The following DAAM1 variants were observed in gnomAD, a reference collection of about 807,000 sequenced individuals.
DAAM1 encodes dishevelled associated activator of morphogenesis 1.
In DAAM1, 52 loss-of-function variants were observed where a neutral mutation model predicts 130.0. The observed-to-expected ratio is 0.40, with a 90% CI of 0.32 to 0.50. The LOEUF (loss-of-function observed/expected upper bound fraction) is 0.50, where lower values mean the gene tolerates loss of function less well. Ranked by LOEUF, DAAM1 falls within the 20% of genes least tolerant of loss-of-function variation. The pLI, the probability that DAAM1 is intolerant of heterozygous loss-of-function variation, is 0.61. For synonymous variants in DAAM1, 452 were observed against 444.5 expected (o/e 1.02, Z -0.21); for missense variants, 1,134 against 1,303.8 (o/e 0.87, Z 2.01).
In DAAM1 at chr14:59,245,172, A is replaced by G. The variant is rs542725774; in HGVS notation, c.-37-18269A>G. On this transcript the variant is annotated intron_variant, in intron 1 of 24. Transcript: ENST00000360909. ...AATGCATCCTTCAAATGCAAAGACT[A>G]ATTTTCCTCCCTTTGTTATTTTGGG... Among the ~76,000 whole-genome samples the G allele has an allele frequency of 9.3e-4, 141 of 152,270 alleles. 1 individual carries two copies. Among genetic ancestry groups the G allele is most frequent in the African/African-American group, 3.2e-3 (134 of 41,554 alleles).
intron 1 of DAAM1, among the ~76,000 whole-genome samples, chr14:59,220,327 C>A (rs1189322408): frequency 6.6e-6 from 1 of 152,154 alleles, no homozygotes; most frequent in African/African-American, 2.4e-5. Flanking sequence ...CATGGATTAA[C>A]TCTAGAGCAA....
At chr14:59,305,705 C>G (rs889966415) in intron 3 of DAAM1, among the ~76,000 whole-genome samples, 6 of 152,172 alleles carry the variant, frequency 3.9e-5, no homozygotes, top group Non-Finnish European at 7.3e-5. Flanking sequence ...TGAACCCTTA[C>G]AGAAATGCGG....
At chr14:59,312,862 C>A (rs1227487559) in intron 3 of DAAM1, among the ~76,000 whole-genome samples, 37 of 152,148 alleles carry the variant, frequency 2.4e-4, no homozygotes. Context: ...GCTCCCCCAT[C>A]CACAGAATTT....
At chr14:59,365,892 T>C (rs2139692635) in intron 23 of DAAM1, among the ~76,000 whole-genome samples, 1 of 151,194 alleles carries the variant, frequency 6.6e-6, no homozygotes, top group East Asian at 1.9e-4. Context: ...CAGAAGGAAG[T>C]ATAATTTTAA....
At chr14:59,234,352 G>A (rs1889219674) in intron 1 of DAAM1, among the ~76,000 whole-genome samples, 1 of 152,100 alleles carries the variant, frequency 6.6e-6, no homozygotes, top group Non-Finnish European at 1.5e-5. Context: ...CACGTCCTTT[G>A]TCAGCTGTAT....
chr14:59,224,815 G>A (rs753343241), intron 1 of DAAM1, among the ~76,000 whole-genome samples: 17 of 152,268 alleles, frequency 1.1e-4, no homozygotes, highest in Admixed American at 2.0e-4. Flanking sequence ...GTCTTTAGGA[G>A]GTCATTGGGT....
intron 1 of DAAM1, among the ~76,000 whole-genome samples, chr14:59,206,831 T>C (rs1265808681): frequency 6.6e-6 from 1 of 152,220 alleles, no homozygotes; most frequent in Admixed American, 6.5e-5. Context: ...GGAACTAAAG[T>C]AGGGTCTTGA....
intron 4 of DAAM1, among the ~76,000 whole-genome samples, chr14:59,317,105 G>T (rs966333712): frequency 6.6e-6 from 1 of 152,176 alleles, no homozygotes; most frequent in Non-Finnish European, 1.5e-5. Flanking sequence ...CATTTTAACT[G>T]CTGTGTGTTT....
At chr14:59,353,411 A>G (rs1476782572) in intron 18 of DAAM1, among the ~76,000 whole-genome samples, 1 of 152,226 alleles carries the variant, frequency 6.6e-6, no homozygotes, top group Non-Finnish European at 1.5e-5. Context: ...GTTGGAGACC[A>G]GTTTTTACTT....
intron 1 of DAAM1, among the ~76,000 whole-genome samples, chr14:59,208,914 G>A (rs547640212): frequency 5.3e-5 from 8 of 152,120 alleles, no homozygotes; most frequent in Admixed American, 3.9e-4. Flanking sequence ...TGATGTACTG[G>A]CTTCCCTCTT....
chr14:59,303,714 A>G (rs1055892586), intron 3 of DAAM1, among the ~76,000 whole-genome samples: 2 of 152,118 alleles, frequency 1.3e-5, no homozygotes, highest in African/African-American at 2.4e-5. Context: ...CTGGGACCCA[A>G]CGTGGCGAAA....
chr14:59,308,973 C>T (rs1392622116), intron 3 of DAAM1, among the ~76,000 whole-genome samples: 2 of 152,044 alleles, frequency 1.3e-5, no homozygotes, highest in East Asian at 1.9e-4. Context: ...AAAAATGTAA[C>T]CAGGATTGGC....
At chr14:59,235,809 A>G (rs1199692162) in intron 1 of DAAM1, among the ~76,000 whole-genome samples, 1 of 152,186 alleles carries the variant, frequency 6.6e-6, no homozygotes, top group Admixed American at 6.5e-5. Context: ...ACACTGCTTT[A>G]GCTGTGTCCC....
intron 16 of DAAM1, among the ~76,000 whole-genome samples, chr14:59,340,522 C>G (rs1463408264): frequency 6.6e-6 from 1 of 152,216 alleles, no homozygotes; most frequent in Non-Finnish European, 1.5e-5. Flanking sequence ...GTAGCATTGT[C>G]ACAGAATCAG....
intron 2 of DAAM1, among the ~76,000 whole-genome samples, chr14:59,269,500 A>C (rs889747047): frequency 2.0e-5 from 3 of 152,172 alleles, no homozygotes; most frequent in African/African-American, 7.2e-5. Context: ...CTCAGCATTA[A>C]ATTTCTGCAG....
intron 2 of DAAM1, among the ~76,000 whole-genome samples, chr14:59,287,671 C>T (rs1883522778): frequency 6.6e-6 from 1 of 152,056 alleles, no homozygotes; most frequent in South Asian, 2.1e-4. Context: ...CAAAATTCCA[C>T]TTACAATAGC....
Position 59,347,725 on chromosome 14 carries a change from T to A in DAAM1, c.2160+102T>A. On this transcript the variant is annotated intron_variant, in intron 17 of 24. Coordinates refer to ENST00000360909, the MANE Select transcript of DAAM1 (RefSeq NM_001270520.2). ...TTGTTGCTAGTGGATCATTTCCTCATCTATGAATTGAGGAGGCTGAACCAA... is the reference window on the plus strand; with the variant it reads ...TTGTTGCTAGTGGATCATTTCCTCAACTATGAATTGAGGAGGCTGAACCAA... 2.6e-6 allele frequency: 3 copies of A among 1,141,658 alleles called. No individual in the cohort carries two copies. The South Asian group carries it at 4.2e-5, about 16-fold the overall frequency. The allele number at this position is 1,141,658 out of a possible 1,614,324, so 70.7% of individuals were successfully genotyped here. A position where few individuals can be genotyped will look rare whatever the true frequency, so the allele number is the denominator to read the frequency against.
chr14:59,326,203 A>G lies in DAAM1; in HGVS notation c.1174+126A>G, dbSNP rs964481996. The G allele has an allele frequency of 5.6e-6, 5 of 890,646 alleles. No individual in the cohort carries two copies. The African/African-American group carries it at 6.7e-5, about 12-fold the overall frequency. 55.2% of individuals were successfully genotyped at this position (890,646 alleles called of 1,614,324 possible). A position where few individuals can be genotyped will look rare whatever the true frequency, so the allele number is the denominator to read the frequency against. On this transcript the variant is annotated intron_variant, in intron 10 of 24. Transcript: ENST00000360909. ...AGGGATTCCAAGCCTTGGTTTTATG[A>G]CAGCCAAGTATGTGTGTCTACATGG...
In DAAM1 at chr14:59,339,998, A is replaced by G. The variant is rs528157179; in HGVS notation, c.1969-76A>G. ...TGTGTGTATGTGTATATGAACAACA[A>G]TGTAAAGGAAAGTGTGTATCTGAAG... On this transcript the variant is annotated intron_variant, in intron 15 of 24. Coordinates refer to ENST00000360909, the MANE Select transcript of DAAM1 (RefSeq NM_001270520.2). The G allele has an allele frequency of 2.8e-5, 36 of 1,308,824 alleles. No homozygotes were observed. The African/African-American group carries it at 4.1e-4, about 15-fold the overall frequency. 81.1% of individuals were successfully genotyped at this position (1,308,824 alleles called of 1,614,324 possible). A position where few individuals can be genotyped will look rare whatever the true frequency, so the allele number is the denominator to read the frequency against.
Sources: gnomAD v4.1 joint callset for allele counts (sites outside exome capture counted in the v4.1 genomes callset) on GRCh38, gnomAD v4.1.1 for gene constraint, MANE v1.5 for transcripts, NCBI Gene and HGNC (gene_info 2026-07-23, HGNC 2026-07-21) for gene names.